LONP1: variants seen among roughly 807,000 people sequenced by gnomAD.
LONP1 encodes lon protease homolog, mitochondrial.
Under a neutral mutation model 98.5 loss-of-function variants are expected in LONP1, and 31 were observed. The ratio of observed to expected loss-of-function variants is 0.31; its 90% CI spans 0.24 to 0.42. The LOEUF (loss-of-function observed/expected upper bound fraction) is 0.42, where lower values mean the gene tolerates loss of function less well. LONP1 is among the 20% of genes least tolerant of loss of function. LONP1 has a pLI of 1.00. For missense variants in LONP1, 1,336 were observed against 1,350.6 expected (o/e 0.99, Z 0.17); for synonymous variants, 781 against 594.7 (o/e 1.31, Z -4.56).
intron 4 of LONP1, among the ~76,000 whole-genome samples, chr19:5,709,941 G>C (rs1489450456): frequency 7.2e-6 from 1 of 138,040 alleles, no homozygotes; most frequent in African/African-American, 2.7e-5. Flanking sequence ...AAAAGAACAA[G>C]TTCGCTGCCC....
In LONP1 at chr19:5,700,873, G is replaced by A; in HGVS notation, c.1422C>T (p.Ser474=). 1 of 1,614,244 alleles carries A rather than the reference G, an allele frequency of 6.2e-7. No individual in the cohort carries two copies. The highest frequency in any genetic ancestry group is 1.1e-5 in the South Asian group (1 of 91,092). Residue 474 remains serine (S), a synonymous_variant, in exon 9 of 18, where the codon AGC becomes AGT. Transcript: ENST00000360614. ...WLTSIPWGKY[S]NENLDLARAQ... ...CCCGCGCCAGGTCCAGGTTCTCGTT[G>A]CTGTACTTGCCCCAAGGGATGGACG...
In LONP1 at chr19:5,719,821, C is replaced by G. The variant is rs764263075; in HGVS notation, c.312G>C (p.Gly104=). 2 of 1,610,790 alleles carry G rather than the reference C, an allele frequency of 1.2e-6. No individual in the cohort carries two copies. The highest frequency in any genetic ancestry group is 4.5e-5 in the East Asian group (2 of 44,794). Residue 104 remains glycine, a synonymous_variant, in exon 1 of 18, where the codon GGG becomes GGC. Transcript: ENST00000360614. ...AGGAGGSAGA[G]EGPVITALTP... Reference sequence around the variant, plus strand: ...TGAGCGCCGTTATGACCGGGCCTTCCCCGGCGCCCGCGCTGCCCCCCGCGC... The same window carrying G: ...TGAGCGCCGTTATGACCGGGCCTTCGCCGGCGCCCGCGCTGCCCCCCGCGC...
chr19:5,707,294 C>T, intron 6 of LONP1, 151 bp from the exon 7 acceptor site: 1 of 667,024 alleles, frequency 1.5e-6, no homozygotes, highest in South Asian at 1.7e-5. Context: ...GCCCTCTGCC[C>T]CAACAAATCC....
chr19:5,719,897 A>G lies in LONP1; in HGVS notation c.236T>C (p.Phe79Ser), dbSNP rs1179953409. Residue 79 changes from phenylalanine to serine, a missense_variant, in exon 1 of 18, where the codon TTC becomes TCC. Coordinates refer to ENST00000360614, the MANE Select transcript of LONP1 (RefSeq NM_004793.4). ...CTCGGAGGCGTCCTCGCCCCCCGAG[A>G]ATGCGCCTCCGCCGCGGCTGCTCGC... ...WEASSRGGGA[F>S]SGGEDASEGG... is the part of the protein sequence containing the mutation. 6.4e-7 allele frequency: 1 copy of G among 1,558,952 alleles called. No individual in the cohort carries two copies. The highest frequency in any genetic ancestry group is 8.7e-7 in the Non-Finnish European group (1 of 1,153,492).
At chr19:5,692,325 T>TA in intron 17 of LONP1, 117 bp from the exon 18 acceptor site, 1 of 1,040,706 alleles carries the variant, frequency 9.6e-7, no homozygotes, top group Non-Finnish European at 1.4e-6. Flanking sequence ...TGCCGGGTTC[T>TA]AAGCAGTAAG....
At position 5,713,255 on chromosome 19, in the gene LONP1, T is replaced by C; in HGVS notation, c.519-2A>G. 6.2e-7 allele frequency: 1 copy of C among 1,614,152 alleles called. No homozygotes were observed. The highest frequency in any genetic ancestry group is 8.5e-7 in the Non-Finnish European group (1 of 1,179,980). ...CTCTCGACCACATCCGACTCATTGC[T>C]GTGGGAGAAGAGCACAGAGGAATGT... On this transcript the variant is annotated splice_acceptor_variant, in intron 2 of 17. Coordinates refer to ENST00000360614, the MANE Select transcript of LONP1 (RefSeq NM_004793.4). LOFTEE classifies it high-confidence loss of function.
chr19:5,716,300 A>ATATATATG (rs1568329236), intron 1 of LONP1, among the ~76,000 whole-genome samples: 3 of 118,656 alleles, frequency 2.5e-5, no homozygotes, highest in African/African-American at 9.6e-5. Context: ...ATATATATAT[A>ATATATATG]GTAATGGCCC....
At chr19:5,709,147 TG>T (rs941042259) in intron 4 of LONP1, among the ~76,000 whole-genome samples, 1 of 151,602 alleles carries the variant, frequency 6.6e-6, no homozygotes, top group African/African-American at 2.4e-5. Context: ...CCGGAGTAGC[TG>T]GGACCACGGG....
At chr19:5,714,336 T>G in intron 1 of LONP1, 65 bp from the exon 2 acceptor site, 1 of 1,110,464 alleles carries the variant, frequency 9.0e-7, no homozygotes, top group Non-Finnish European at 1.4e-6. Context: ...AGAGTCTCAT[T>G]CTGTTGCCCT....
intron 10 of LONP1, 136 bp downstream of exon 10, chr19:5,698,891 G>C (rs1599454670): frequency 1.1e-6 from 1 of 920,158 alleles, no homozygotes. Flanking sequence ...GGACTTTTCA[G>C]TTACTCCAGC....
chr19:5,697,306 G>A (rs2054951346), intron 10 of LONP1, among the ~76,000 whole-genome samples: 1 of 151,936 alleles, frequency 6.6e-6, no homozygotes, highest in African/African-American at 2.4e-5. Context: ...TGGGATGTGT[G>A]TGACACTTTA....
intron 8 of LONP1, among the ~76,000 whole-genome samples, chr19:5,703,084 G>A (rs1427203419): frequency 6.6e-6 from 1 of 151,842 alleles, no homozygotes; most frequent in Admixed American, 6.6e-5. Flanking sequence ...GGGAGGCTGA[G>A]GCAGGAGAAT....
intron 7 of LONP1, among the ~76,000 whole-genome samples, chr19:5,706,460 T>C (rs747468042): frequency 6.6e-6 from 1 of 151,950 alleles, no homozygotes; most frequent in South Asian, 2.1e-4. Context: ...ATACAAAAAT[T>C]AGCCGGTGTG....
Position 5,694,493 on chromosome 19 carries a change from C to A in LONP1, c.2214G>T (p.Thr738=). 1 of 1,613,316 alleles carries A rather than the reference C, an allele frequency of 6.2e-7. No homozygotes were observed. Among genetic ancestry groups the A allele is most frequent in the Non-Finnish European group, 8.5e-7 (1 of 1,180,012 alleles). The change falls in exon 15 of 18, where the codon ACG becomes ACT. Residue 738 remains threonine, a synonymous_variant. Transcript: ENST00000360614. ...VSGEAESVEV[T]PENLQDFVGK... is the part of the protein sequence containing the mutation. ...CCACGAAGTCCTGCAGGTTCTCGGG[C>A]GTCACCTCCACGGACTCGGCCTCGC...
intron 2 of LONP1, among the ~76,000 whole-genome samples, chr19:5,713,808 A>G (rs1421909550): frequency 6.6e-6 from 1 of 151,922 alleles, no homozygotes; most frequent in East Asian, 1.9e-4. Context: ...GGTGATCCAC[A>G]TGCCTCAGCC....
At position 5,702,607 on chromosome 19, in the gene LONP1, C is replaced by G. The variant is rs183851359; in HGVS notation, c.1368-1680G>C. 3.0e-4 allele frequency among the ~76,000 whole-genome samples: 46 copies of G among 151,970 alleles called. 1 individual carries two copies. The East Asian group carries it at 8.7e-3, about 29-fold the overall frequency. ...GAAAAGGGGGAAAGGATTGAGAAAT[C>G]GGATGGTTGCCGTGTCTGTGTAGAA... is the stretch of plus-strand genomic sequence containing the variant. On this transcript the variant is annotated intron_variant, in intron 8 of 17. Coordinates refer to ENST00000360614, the MANE Select transcript of LONP1 (RefSeq NM_004793.4).
intron 11 of LONP1, 136 bp downstream of exon 11, chr19:5,696,534 C>A (rs1040053570): frequency 7.0e-6 from 9 of 1,276,906 alleles, no homozygotes; most frequent in Admixed American, 6.7e-5. Context: ...TGGGAGGGAC[C>A]CGTCCGTGCC....
Position 5,699,195 on chromosome 19 carries a change from G to T in LONP1, c.1517C>A (p.Ala506Asp). Residue 506 changes from alanine (A) to aspartate (D), a missense_variant, in exon 10 of 18, where the codon GCC becomes GAC. Around this residue, in one of 5 missense-constraint regions of LONP1, gnomAD observed 219 missense variants for 241.0 expected, o/e 0.91. Transcript: ENST00000360614. ...GGTGGAGCCGCGGAGCTGGCTAACGGCAATGAACTCCTGCAGACAGAGGCA... is the reference window on the plus strand; with the variant it reads ...GGTGGAGCCGCGGAGCTGGCTAACGTCAATGAACTCCTGCAGACAGAGGCA... ...DVKKRILEFI[A>D]VSQLRGSTQG... 6.6e-7 allele frequency: 1 copy of T among 1,503,802 alleles called. No homozygotes were observed. The highest frequency in any genetic ancestry group is 8.9e-7 in the Non-Finnish European group (1 of 1,120,414). 93.2% of individuals were successfully genotyped at this position (1,503,802 alleles called of 1,614,324 possible). A position where few individuals can be genotyped will look rare whatever the true frequency, so the allele number is the denominator to read the frequency against.
In LONP1 at chr19:5,700,944, G is replaced by T. The variant is rs1485321701; in HGVS notation, c.1368-17C>A. 2.5e-6 allele frequency: 4 copies of T among 1,613,912 alleles called. No individual in the cohort carries two copies. Among genetic ancestry groups the T allele is most frequent in the African/African-American group, 1.3e-5 (1 of 74,948 alleles). ...CGGGTGACACTGCCAGGGGACAGATGGAGAGATGCTGAGTGGAGCTCACGA... is the reference window on the plus strand; with the variant it reads ...CGGGTGACACTGCCAGGGGACAGATTGAGAGATGCTGAGTGGAGCTCACGA... On this transcript the variant is annotated splice_polypyrimidine_tract_variant and intron_variant, in intron 8 of 17. Transcript: ENST00000360614.
Sources: allele counts gnomAD v4.1 joint callset (sites outside exome capture counted in the v4.1 genomes callset), GRCh38; gene constraint gnomAD v4.1.1; regional missense constraint gnomAD v4.1.1; transcripts MANE v1.5; gene names NCBI Gene and HGNC (gene_info 2026-07-23, HGNC 2026-07-21).